The following LDAH variants were observed in gnomAD, a reference collection of about 807,000 sequenced individuals.
LDAH encodes lipid droplet associated hydrolase.
In LDAH, 26 loss-of-function variants were observed where a neutral mutation model predicts 29.6. The observed-to-expected ratio is 0.88, with a 90% CI of 0.64 to 1.22. The LOEUF (loss-of-function observed/expected upper bound fraction) is 1.22, where lower values mean the gene tolerates loss of function less well. Among genes scored for constraint, LDAH ranks in the 50% most tolerant of loss-of-function variants. LDAH has a pLI of 0.00. For synonymous variants in LDAH, 117 were observed against 133.0 expected, an observed-to-expected ratio of 0.88 and a Z score of 0.83; for missense variants, 344 against 387.3, an observed-to-expected ratio of 0.89 and a Z score of 0.94.
At chr2:20,812,113 A>C (rs1672541144) in intron 1 of LDAH, among the ~76,000 whole-genome samples, 1 of 152,218 alleles carries the variant, frequency 6.6e-6, no homozygotes, top group South Asian at 2.1e-4. Context: ...AGCTGGGATT[A>C]GTTACAAATG....
intron 3 of LDAH, among the ~76,000 whole-genome samples, chr2:20,780,960 T>C (rs1670154336): frequency 6.6e-6 from 1 of 152,298 alleles, no homozygotes; most frequent in South Asian, 2.1e-4. Context: ...GTTTTCTCTC[T>C]TTCTTCCTAT....
intron 2 of LDAH, among the ~76,000 whole-genome samples, chr2:20,795,945 CCACACA>C (rs57619975): frequency 0.018 from 2,557 of 141,606 alleles, 40 homozygotes; most frequent in South Asian, 0.049. Context: ...CCGAAACCTG[CCACACA>C]CACACACACA....
intron 2 of LDAH, among the ~76,000 whole-genome samples, chr2:20,792,367 C>T (rs1671026827): frequency 6.6e-6 from 1 of 152,094 alleles, no homozygotes; most frequent in African/African-American, 2.4e-5. Context: ...ACTATCATTA[C>T]TTCCATTTTA....
intron 4 of LDAH, among the ~76,000 whole-genome samples, chr2:20,771,641 G>C (rs1333316862): frequency 1.3e-5 from 2 of 152,172 alleles, no homozygotes; most frequent in Non-Finnish European, 2.9e-5. Context: ...TGGGGGCTGG[G>C]GATGGGGTAG....
At chr2:20,822,735 ACT>A (rs564000410) in intron 1 of LDAH, among the ~76,000 whole-genome samples, 1 of 151,846 alleles carries the variant, frequency 6.6e-6, no homozygotes, top group African/African-American at 2.4e-5. Flanking sequence ...TTTGGCCTCT[ACT>A]CCTCCGCGGG....
chr2:20,788,676 T>C (rs911408495), intron 3 of LDAH, among the ~76,000 whole-genome samples: 2 of 151,546 alleles, frequency 1.3e-5, no homozygotes, highest in African/African-American at 4.9e-5. Flanking sequence ...AACTGGGCAA[T>C]GAAGTCACAG....
At chr2:20,802,964 A>G (rs987826536) in intron 1 of LDAH, among the ~76,000 whole-genome samples, 3 of 152,040 alleles carry the variant, frequency 2.0e-5, no homozygotes, top group African/African-American at 7.3e-5. Context: ...GTTTCTGGAG[A>G]GCTTATATTT....
At chr2:20,736,147 A>G (rs562215880) in intron 5 of LDAH, among the ~76,000 whole-genome samples, 102 of 152,318 alleles carry the variant, frequency 6.7e-4, no homozygotes, top group Non-Finnish European at 1.2e-3. Flanking sequence ...TTTAGAAAGT[A>G]TTAAAGACCA....
intron 3 of LDAH, among the ~76,000 whole-genome samples, chr2:20,780,057 C>T (rs1239445043): frequency 6.6e-6 from 1 of 152,190 alleles, no homozygotes; most frequent in East Asian, 1.9e-4. Flanking sequence ...AGTACACTCT[C>T]ATCAAACCCC....
At chr2:20,768,249 G>A (rs948457074) in intron 4 of LDAH, among the ~76,000 whole-genome samples, 1 of 152,200 alleles carries the variant, frequency 6.6e-6, no homozygotes, top group African/African-American at 2.4e-5. Flanking sequence ...AAGAGAAGGA[G>A]AGAAAATCTG....
intron 6 of LDAH, among the ~76,000 whole-genome samples, chr2:20,699,876 TAA>T (rs1663788216): frequency 6.6e-6 from 1 of 152,254 alleles, no homozygotes; most frequent in Non-Finnish European, 1.5e-5. Flanking sequence ...GGGACAGGAA[TAA>T]GTTAGCACCT....
intron 5 of LDAH, among the ~76,000 whole-genome samples, chr2:20,714,660 G>C (rs2149383444): frequency 6.6e-6 from 1 of 152,210 alleles, no homozygotes; most frequent in Admixed American, 6.5e-5. Flanking sequence ...AGAAAAGAGA[G>C]AAGAATCAAA....
chr2:20,696,719 G>T (rs1436446782), intron 6 of LDAH, among the ~76,000 whole-genome samples: 8 of 152,198 alleles, frequency 5.3e-5, no homozygotes, highest in Non-Finnish European at 8.8e-5. Flanking sequence ...GACAGAACAA[G>T]GGAGTGCTGA....
intron 1 of LDAH, among the ~76,000 whole-genome samples, chr2:20,817,523 A>C (rs1672930754): frequency 6.6e-6 from 1 of 152,176 alleles, no homozygotes; most frequent in Non-Finnish European, 1.5e-5. Flanking sequence ...ATATATAATT[A>C]TATACTTTAA....
rs1426101267 is a variant in LDAH at position 20,685,498 on chromosome 2, C to A, written c.*1405G>T. On this transcript the variant is annotated 3_prime_UTR_variant, in exon 7 of 7. Transcript: ENST00000237822. ...CTTTTCCCCTCTGAGAAGTCACTTG[C>A]TGTGATGTAGAAGCTATGCCAAAGC... 1 of 1,538,996 alleles carries A rather than the reference C, an allele frequency of 6.5e-7. No individual in the cohort carries two copies. Among genetic ancestry groups the A allele is most frequent in the Non-Finnish European group, 8.8e-7 (1 of 1,141,434 alleles).
At chr2:20,785,271 GAA>G (rs1670472322) in intron 3 of LDAH, among the ~76,000 whole-genome samples, 1 of 152,070 alleles carries the variant, frequency 6.6e-6, no homozygotes, top group Non-Finnish European at 1.5e-5. Flanking sequence ...CTGTTGGTCT[GAA>G]AAAGTCTTTC....
At position 20,698,251 on chromosome 2, in the gene LDAH, G is replaced by A. The variant is rs963114604; in HGVS notation, c.786+3319C>T. 1.3e-5 allele frequency among the ~76,000 whole-genome samples: 2 copies of A among 152,186 alleles called. No individual in the cohort carries two copies. Among genetic ancestry groups the A allele is most frequent in the East Asian group, 1.9e-4 (1 of 5,204 alleles). ...AGAAGACACAGCTCCTTACCTCAAC[G>A]TGGGGAAAGGTGAAGGTTGATTGTT... On this transcript the variant is annotated intron_variant, in intron 6 of 6. Coordinates refer to ENST00000237822, the MANE Select transcript of LDAH (RefSeq NM_021925.4). The surrounding 1 kb of genome is among the most constrained non-coding windows in gnomAD (Gnocchi z 4.4).
intron 6 of LDAH, among the ~76,000 whole-genome samples, chr2:20,689,106 G>C (rs919762789): frequency 1.1e-4 from 16 of 151,666 alleles, no homozygotes; most frequent in Non-Finnish European, 2.2e-4. Flanking sequence ...TTCTGTTCCT[G>C]TGTCAGTTTG....
At chr2:20,705,455 C>G (rs1664234366) in intron 5 of LDAH, among the ~76,000 whole-genome samples, 1 of 152,146 alleles carries the variant, frequency 6.6e-6, no homozygotes, top group South Asian at 2.1e-4. Context: ...GGAAAATTTT[C>G]TTTTATTATT....
Sources: allele counts gnomAD v4.1 joint callset (sites outside exome capture counted in the v4.1 genomes callset), GRCh38; gene constraint gnomAD v4.1.1; non-coding constraint Gnocchi (gnomAD v3.1); transcripts MANE v1.5; gene names NCBI Gene and HGNC (gene_info 2026-07-23, HGNC 2026-07-21).